IL21R: variants seen among roughly 807,000 people sequenced by gnomAD.
IL21R encodes the protein interleukin-21 receptor.
In IL21R, 14 loss-of-function variants were observed where a neutral mutation model predicts 41.3. The observed-to-expected ratio is 0.34, with a 90% confidence interval of 0.22 to 0.53. The LOEUF (loss-of-function observed/expected upper bound fraction) is 0.53, where lower values mean the gene tolerates loss of function less well. Among genes scored for constraint, IL21R ranks in the 20% least tolerant of loss-of-function variants. The pLI is 0.94. For missense variants in IL21R, 588 were observed against 681.6 expected (o/e 0.86, Z 1.53); for synonymous variants, 286 against 287.6 (o/e 0.99, Z 0.05).
chr16:27,419,328 C>A (rs1759419950), intron 1 of IL21R, among the ~76,000 whole-genome samples: 1 of 152,226 alleles, frequency 6.6e-6, no homozygotes, highest in African/African-American at 2.4e-5. Flanking sequence ...ACTGGAAGGT[C>A]TTCAGTGGCA....
At chr16:27,436,324 G>T (rs766723193) in intron 3 of IL21R, among the ~76,000 whole-genome samples, 1 of 152,278 alleles carries the variant, frequency 6.6e-6, no homozygotes, top group Non-Finnish European at 1.5e-5. Flanking sequence ...GAAGGAGGAA[G>T]CCAGGGAGCT....
intron 4 of IL21R, among the ~76,000 whole-genome samples, chr16:27,439,546 TCATA>T (rs911519058): frequency 5.4e-5 from 8 of 148,022 alleles, no homozygotes; most frequent in African/African-American, 1.5e-4. Context: ...ATACACATAC[TCATA>T]CACTCTCACA....
intron 2 of IL21R, among the ~76,000 whole-genome samples, chr16:27,432,535 C>T (rs2087192833): frequency 6.6e-6 from 1 of 152,190 alleles, no homozygotes; most frequent in South Asian, 2.1e-4. Flanking sequence ...GGAGACAAAC[C>T]CTGTCCCTTG....
Position 27,448,851 on chromosome 16 carries a change from G to C in IL21R, c.1185G>C (p.Glu395Asp). ...EGPCTWPCSC[E>D]DDGYPALDLD... The stretch of plus-strand genomic sequence containing the variant: ...CATGCACCTGGCCCTGCAGCTGTGA[G>C]GATGACGGCTACCCAGCCCTGGACC... Residue 395 changes from glutamate (E) to aspartate (D), a missense_variant, in exon 9 of 9, where the codon GAG becomes GAC. Transcript: ENST00000337929. 1 of 1,613,146 alleles carries C rather than the reference G, an allele frequency of 6.2e-7. No homozygotes were observed. The highest frequency in any genetic ancestry group is 1.7e-5 in the Admixed American group (1 of 60,008).
intron 1 of IL21R, among the ~76,000 whole-genome samples, chr16:27,423,950 A>G (rs1257518125): frequency 6.6e-6 from 1 of 152,252 alleles, no homozygotes; most frequent in African/African-American, 2.4e-5. Flanking sequence ...TCCTCTGGCT[A>G]TAAATGAGAG....
At position 27,442,849 on chromosome 16, in the gene IL21R, G is replaced by A. The variant is rs74016077; in HGVS notation, c.353-113G>A. The A allele has an allele frequency of 1.2e-3, 1,097 of 932,358 alleles. 10 individuals carry two copies. The African/African-American group carries it at 0.017, about 14-fold the overall frequency. 57.8% of individuals were successfully genotyped at this position (932,358 alleles called of 1,614,324 possible). On this transcript the variant is annotated intron_variant, in intron 4 of 8. Transcript: ENST00000337929. ...GTTGGTCTTCATCTCATCCATGATG[G>A]GTCAGGCATGGAGGCAGGGGTGGGG...
chr16:27,440,364 C>A (rs1036697115), intron 4 of IL21R, among the ~76,000 whole-genome samples: 5 of 151,552 alleles, frequency 3.3e-5, no homozygotes, highest in Non-Finnish European at 4.4e-5. Context: ...GCCTGGAACT[C>A]CTGGGCTCAA....
chr16:27,425,397 C>G (rs1242510273), intron 1 of IL21R, among the ~76,000 whole-genome samples: 1 of 152,156 alleles, frequency 6.6e-6, no homozygotes, highest in East Asian at 1.9e-4. Context: ...TGATGTTTCC[C>G]AGAAGTGAGC....
Position 27,450,149 on chromosome 16 carries a change from G to A in IL21R, c.*866G>A, listed in dbSNP as rs1179436281. 2.1e-5 allele frequency: 5 copies of A among 232,742 alleles called. No homozygotes were observed. Among genetic ancestry groups the A allele is most frequent in the East Asian group, 1.8e-4 (3 of 16,562 alleles). The allele number at this position is 232,742 out of a possible 1,614,324, so 14.4% of individuals were successfully genotyped here. Reference sequence around the variant, plus strand: ...CGACAGCCTGGGCACCCGCGGGGCCGTCCCGCCTGCAGAGGGCCACTCGGG... The same window carrying A: ...CGACAGCCTGGGCACCCGCGGGGCCATCCCGCCTGCAGAGGGCCACTCGGG... On this transcript the variant is annotated 3_prime_UTR_variant, in exon 9 of 9. Coordinates refer to ENST00000337929, the MANE Select transcript of IL21R (RefSeq NM_181078.3).
intron 2 of IL21R, 40 bp from the exon 3 acceptor site, chr16:27,434,307 C>A: frequency 7.5e-7 from 1 of 1,330,354 alleles, no homozygotes; most frequent in Non-Finnish European, 1.1e-6. Flanking sequence ...CAGTCCCAAG[C>A]CACCCCCCAC....
chr16:27,429,011 G>A (rs1241722229), intron 1 of IL21R, among the ~76,000 whole-genome samples: 1 of 151,994 alleles, frequency 6.6e-6, no homozygotes, highest in Non-Finnish European at 1.5e-5. Context: ...ATCACCTGTG[G>A]CCAGGAGTTC....
chr16:27,406,269 C>T (rs1297028739), intron 1 of IL21R, among the ~76,000 whole-genome samples: 1 of 152,226 alleles, frequency 6.6e-6, no homozygotes, highest in Non-Finnish European at 1.5e-5. Context: ...CAAGCGGCCC[C>T]TCCTGGGCTG....
intron 4 of IL21R, among the ~76,000 whole-genome samples, chr16:27,440,279 A>AGAGAGAGAGAGAGAGC (rs1567370043): frequency 1.5e-4 from 20 of 131,866 alleles, no homozygotes; most frequent in African/African-American, 5.9e-4. Flanking sequence ...AGAGAGAGAG[A>AGAGAGAGAGAGAGAGC]GCGAGCAAGC....
intron 1 of IL21R, among the ~76,000 whole-genome samples, chr16:27,413,076 T>C (rs571653099): frequency 4.8e-4 from 73 of 152,308 alleles, no homozygotes; most frequent in African/African-American, 1.7e-3. Flanking sequence ...TTTTTTACTG[T>C]TGAATATATT....
chr16:27,411,318 A>C (rs1264595144), intron 1 of IL21R, among the ~76,000 whole-genome samples: 18 of 151,946 alleles, frequency 1.2e-4, no homozygotes, highest in Admixed American at 1.2e-3. Context: ...TAACCATCCT[A>C]ACAAGTGCAA....
chr16:27,403,263 G>A, intron 1 of IL21R: 1 of 1,321,086 alleles, frequency 7.6e-7, no homozygotes, highest in African/African-American at 1.5e-5. Context: ...GAGGAGAGGA[G>A]GGTGGGGAGG....
At chr16:27,428,559 G>A (rs1046273516) in intron 1 of IL21R, among the ~76,000 whole-genome samples, 1 of 152,262 alleles carries the variant, frequency 6.6e-6, no homozygotes, top group Non-Finnish European at 1.5e-5. Flanking sequence ...AGTCTGGGCA[G>A]GTGGACCACT....
chr16:27,403,358 C>CG (rs955321333), intron 1 of IL21R: 2 of 795,766 alleles, frequency 2.5e-6, no homozygotes, highest in Admixed American at 6.1e-5. Flanking sequence ...TAGGACTTGC[C>CG]GCAGGAATGA....
At chr16:27,430,156 GC>G in intron 2 of IL21R, 36 bp downstream of exon 2, 1 of 1,583,190 alleles carries the variant, frequency 6.3e-7, no homozygotes, top group Non-Finnish European at 8.6e-7. Context: ...GGTGGGGAGG[GC>G]CCCCATCACA....
Sources: allele counts gnomAD v4.1 joint callset (sites outside exome capture counted in the v4.1 genomes callset), GRCh38; gene constraint gnomAD v4.1.1; transcripts MANE v1.5; gene names NCBI Gene and HGNC (gene_info 2026-07-23, HGNC 2026-07-21).